RASEF: variants seen among roughly 807,000 people sequenced by gnomAD.
RASEF encodes RAS and EF-hand domain containing.
In RASEF, 68 loss-of-function variants were observed where a neutral mutation model predicts 90.1. The ratio of observed to expected loss-of-function variants is 0.75; its 90% CI spans 0.62 to 0.92. The LOEUF (loss-of-function observed/expected upper bound fraction) is 0.92. Ranked by LOEUF, RASEF falls within the 40% of genes least tolerant of loss-of-function variation. The probability of loss-of-function intolerance (pLI) is 0.00; values close to 1 mark genes in which losing one functional copy is unlikely to be tolerated. For missense variants in RASEF, 949 were observed against 937.2 expected (o/e 1.01, Z -0.16); for synonymous variants, 331 against 345.2 (o/e 0.96, Z 0.46).
intron 7 of RASEF, among the ~76,000 whole-genome samples, chr9:83,006,149 C>T (rs373321098): frequency 2.0e-5 from 3 of 152,226 alleles, no homozygotes; most frequent in Non-Finnish European, 4.4e-5. Context: ...GTTCACCCTT[C>T]GCATCTTAGC....
chr9:82,984,456 A>C (rs1355746073), intron 16 of RASEF, among the ~76,000 whole-genome samples: 4 of 152,198 alleles, frequency 2.6e-5, no homozygotes, highest in Admixed American at 6.5e-5. Context: ...AAGACATCTC[A>C]GCAGGGAAAA....
At chr9:83,021,077 G>C (rs1220962863) in intron 3 of RASEF, among the ~76,000 whole-genome samples, 1 of 152,152 alleles carries the variant, frequency 6.6e-6, no homozygotes, top group Non-Finnish European at 1.5e-5. Context: ...GCCATTTAAG[G>C]TGAAGAATCT....
At chr9:83,178,499 C>A in the RASEF span, among the ~76,000 whole-genome samples, 3 of 152,108 alleles carry the variant, frequency 2.0e-5, no homozygotes, top group Non-Finnish European at 4.4e-5. Flanking sequence ...ACTCAAGATG[C>A]CCTGGAAGCC....
At chr9:83,162,309 T>A in the RASEF span, among the ~76,000 whole-genome samples, 1 of 152,226 alleles carries the variant, frequency 6.6e-6, no homozygotes, top group Admixed American at 6.5e-5. Flanking sequence ...AAACTTTTAT[T>A]TAAAAAGAAG....
chr9:83,062,706 C>A lies in RASEF; in HGVS notation c.162G>T (p.Leu54=), dbSNP rs1331697190. ...TGATGGCGCCGTCACGGTCGGCGTC[C>A]AGCCGCTGGAATACTGCCTCGGCGT... ...PADAEAVFQR[L]DADRDGAITF... is the part of the protein sequence containing the mutation. The change falls in exon 1 of 17, where the codon CTG becomes CTT. Residue 54 remains leucine, a synonymous_variant. Transcript: ENST00000376447. 1 of 1,578,440 alleles carries A rather than the reference C, an allele frequency of 6.3e-7. No individual in the cohort carries two copies. Among genetic ancestry groups the A allele is most frequent in the South Asian group, 1.1e-5 (1 of 88,052 alleles).
chr9:83,157,491 T>C, the RASEF span, among the ~76,000 whole-genome samples: 5 of 152,218 alleles, frequency 3.3e-5, no homozygotes, highest in African/African-American at 1.2e-4. Flanking sequence ...TGTCATGTTA[T>C]AACACACTGA....
chr9:83,040,395 AG>A (rs1829817247), intron 1 of RASEF, among the ~76,000 whole-genome samples: 1 of 152,228 alleles, frequency 6.6e-6, no homozygotes, highest in Non-Finnish European at 1.5e-5. Context: ...CATATATGTG[AG>A]TTCCAAAAAT....
At chr9:83,212,128 A>G in the RASEF span, among the ~76,000 whole-genome samples, 2 of 152,218 alleles carry the variant, frequency 1.3e-5, no homozygotes, top group Non-Finnish European at 2.9e-5. Context: ...GTGTGATAAC[A>G]ATAACAACAA....
the RASEF span, among the ~76,000 whole-genome samples, chr9:83,177,826 T>C: frequency 6.6e-6 from 1 of 152,088 alleles, no homozygotes; most frequent in East Asian, 1.9e-4. Flanking sequence ...TTCTAGCCAT[T>C]ATTTCTTCTA....
At chr9:82,987,810 A>G (rs2118370896) in intron 16 of RASEF, among the ~76,000 whole-genome samples, 1 of 152,288 alleles carries the variant, frequency 6.6e-6, no homozygotes, top group Admixed American at 6.5e-5. Context: ...CATTTTACAG[A>G]TTAGAGTTGC....
At chr9:82,994,662 T>G (rs534537120) in intron 14 of RASEF, among the ~76,000 whole-genome samples, 1 of 152,182 alleles carries the variant, frequency 6.6e-6, no homozygotes, top group Admixed American at 6.5e-5. Flanking sequence ...AAAAATAGTT[T>G]TGAATGTGTT....
chr9:83,004,298 C>A (rs1052766073), intron 9 of RASEF, among the ~76,000 whole-genome samples, 200 bp downstream of exon 9: 3 of 152,150 alleles, frequency 2.0e-5, no homozygotes, highest in Non-Finnish European at 2.9e-5. Flanking sequence ...TAACTCATAA[C>A]ATCTTCAGGA....
At chr9:83,100,343 T>C in the RASEF span, among the ~76,000 whole-genome samples, 1 of 152,220 alleles carries the variant, frequency 6.6e-6, no homozygotes, top group Non-Finnish European at 1.5e-5. Flanking sequence ...AAGATGAAGC[T>C]AGTAAAAGAT....
chr9:83,124,529 G>A, the RASEF span, among the ~76,000 whole-genome samples: 1 of 152,148 alleles, frequency 6.6e-6, no homozygotes, highest in African/African-American at 2.4e-5. Context: ...GGTTAAGATG[G>A]TAAATAAAGC....
At chr9:83,101,075 T>C in the RASEF span, among the ~76,000 whole-genome samples, 1 of 152,182 alleles carries the variant, frequency 6.6e-6, no homozygotes, top group South Asian at 2.1e-4. Flanking sequence ...ATCACACAGA[T>C]ACTAGGAGAT....
intron 7 of RASEF, 66 bp downstream of exon 7, chr9:83,007,369 TTA>T: frequency 8.1e-7 from 1 of 1,240,102 alleles, no homozygotes; most frequent in South Asian, 1.2e-5. Context: ...GTTCTATGTG[TTA>T]TGTCTTTTAT....
At chr9:83,004,668 A>AT (rs1829097892) in intron 8 of RASEF, 82 bp from the exon 9 acceptor site, 1 of 838,022 alleles carries the variant, frequency 1.2e-6, no homozygotes, top group Non-Finnish European at 2.0e-6. Context: ...ACACAAACCC[A>AT]TTTTTTAAAA....
the RASEF span, among the ~76,000 whole-genome samples, chr9:83,134,408 GCGCACACACACACACA>G: frequency 1.5e-5 from 2 of 135,920 alleles, no homozygotes; most frequent in Admixed American, 7.3e-5. Context: ...GATCACAATA[GCGCACACACACACACA>G]CACACACACA....
chr9:83,209,981 T>C, the RASEF span, among the ~76,000 whole-genome samples: 1 of 152,238 alleles, frequency 6.6e-6, no homozygotes. Flanking sequence ...ATAATGTTGA[T>C]ACTAAATAAC....
Sources: gnomAD v4.1 joint callset for allele counts (sites outside exome capture counted in the v4.1 genomes callset) on GRCh38, gnomAD v4.1.1 for gene constraint, MANE v1.5 for transcripts, NCBI Gene and HGNC (gene_info 2026-07-23, HGNC 2026-07-21) for gene names.